AKR7A3: variants seen among roughly 807,000 people sequenced by gnomAD.
AKR7A3 encodes the protein AFB1 aldehyde reductase 2.
AKR7A3 carries 37 observed loss-of-function variants against 32.5 expected under a neutral mutation model. The observed-to-expected ratio is 1.14, with a 90% CI of 0.88 to 1.50. The LOEUF (loss-of-function observed/expected upper bound fraction) is 1.50, where lower values mean the gene tolerates loss of function less well. AKR7A3 is among the 40% of genes most tolerant of loss of function. The pLI is 0.00. For missense variants in AKR7A3, 412 were observed against 453.2 expected (o/e 0.91, Z 0.83); for synonymous variants, 177 against 188.4 (o/e 0.94, Z 0.50).
At chr1:19,287,028 G>C (rs1459797341) in intron 1 of AKR7A3, among the ~76,000 whole-genome samples, 1 of 151,862 alleles carries the variant, frequency 6.6e-6, no homozygotes, top group Non-Finnish European at 1.5e-5. Context: ...AGAGGGTACA[G>C]ATCTGTGGTG....
At position 19,286,380 on chromosome 1, in the gene AKR7A3, G is replaced by C; in HGVS notation, c.215-8C>G. 1 of 1,612,650 alleles carries C rather than the reference G, an allele frequency of 6.2e-7. No homozygotes were observed. The highest frequency in any genetic ancestry group is 8.5e-7 in the Non-Finnish European group (1 of 1,179,140). On this transcript the variant is annotated splice_region_variant and splice_polypyrimidine_tract_variant and intron_variant, in intron 1 of 6. Coordinates refer to ENST00000361640, the MANE Select transcript of AKR7A3 (RefSeq NM_012067.3). ...CCTTGGTATCAATTTTCACTGAGAG[G>C]AAAGAGAAATGAAATTCAGGGCCAG...
At chr1:19,283,048 G>C (rs1473487219) in intron 6 of AKR7A3, among the ~76,000 whole-genome samples, 156 bp from the exon 7 acceptor site, 1 of 146,652 alleles carries the variant, frequency 6.8e-6, no homozygotes, top group Non-Finnish European at 1.5e-5. Flanking sequence ...CCCATGTGAC[G>C]CAAAACCTGT....
Position 19,285,941 on chromosome 1 carries a change from C to G in AKR7A3, c.454G>C (p.Glu152Gln). The change falls in exon 3 of 7, where the codon GAG becomes CAG. Residue 152 changes from glutamate to glutamine, a missense_variant. Physicochemically the swap from Glu to Gln is conservative, Grantham distance 29. Transcript: ENST00000361640. Reference sequence around the variant, plus strand: ...TTGCTCTTGCAGAGGGTACAGATCTCGGCCACTTCCCAGGCTGCATAGTTG... The same window carrying G: ...TTGCTCTTGCAGAGGGTACAGATCTGGGCCACTTCCCAGGCTGCATAGTTG... ...LSNYAAWEVA[E>Q]ICTLCKSNGW... is the part of the protein sequence containing the mutation. The G allele has an allele frequency of 6.2e-7, 1 of 1,613,658 alleles. No individual in the cohort carries two copies. Among genetic ancestry groups the G allele is most frequent in the East Asian group, 2.2e-5 (1 of 44,886 alleles).
Position 19,286,326 on chromosome 1 carries a change from C to T in AKR7A3, c.261G>A (p.Lys87=). 1 of 1,613,914 alleles carries T rather than the reference C, an allele frequency of 6.2e-7. No homozygotes were observed. Among genetic ancestry groups the T allele is most frequent in the Non-Finnish European group, 8.5e-7 (1 of 1,180,034 alleles). ...KAIPLFGNSL[K]PDSLRFQLET... ...CCAGCTGGAACCGGAGACTGTCAGG[C>T]TTCAGGGAGTTCCCAAACAGTGGAA... The change falls in exon 2 of 7, where the codon AAG becomes AAA. Residue 87 remains lysine, a synonymous_variant. Transcript: ENST00000361640.
rs769821963 is a variant in AKR7A3, at chr1:19,283,979, A to G, written c.834+17T>C. The stretch of plus-strand genomic sequence containing the variant: ...CCCTGGAAGGGAAGAAGCTGAGCGC[A>G]CAGGGTCACTGGTTACCTGCAGCTG... On this transcript the variant is annotated intron_variant, in intron 6 of 6. Transcript: ENST00000361640. 1 of 1,612,776 alleles carries G rather than the reference A, an allele frequency of 6.2e-7. No homozygotes were observed. The highest frequency in any genetic ancestry group is 8.5e-7 in the Non-Finnish European group (1 of 1,179,854).
chr1:19,281,189 C>A (rs967346553), downstream of AKR7A3, among the ~76,000 whole-genome samples: 2 of 151,570 alleles, frequency 1.3e-5, no homozygotes, highest in Non-Finnish European at 2.9e-5. Flanking sequence ...TTACAGGCGC[C>A]TACCACCACG....
At chr1:19,285,311 G>C (rs2093727733) in intron 3 of AKR7A3, among the ~76,000 whole-genome samples, 197 bp from the exon 4 acceptor site, 1 of 151,942 alleles carries the variant, frequency 6.6e-6, no homozygotes, top group Admixed American at 6.5e-5. Context: ...ACTTTCATGA[G>C]CACCAACTAT....
At chr1:19,275,759 C>T in the AKR7A3 span, among the ~76,000 whole-genome samples, 114,664 of 151,624 alleles carry the variant, frequency 0.76, 43,817 homozygotes, top group South Asian at 0.81. Context: ...GAGCTGTGAT[C>T]ATACCACTAC....
Position 19,288,641 on chromosome 1 carries a change from C to A in AKR7A3, c.69G>T (p.Met23Ile), listed in dbSNP as rs1332902038. 1.3e-6 allele frequency: 2 copies of A among 1,544,672 alleles called. No individual in the cohort carries two copies. The change falls in exon 1 of 7, where the codon ATG becomes ATT. Residue 23 changes from methionine to isoleucine, a missense_variant. Physicochemically the swap from Met to Ile is conservative, Grantham distance 10. Coordinates refer to ENST00000361640, the MANE Select transcript of AKR7A3 (RefSeq NM_012067.3). ...VLGAMEMGRR[M>I]DAPTSAAVTR... ...TGACTGCGGCGCTGGTGGGCGCGTCCATGCGGCGCCCCATCTCCATGGCGC... is the reference window on the plus strand; with the variant it reads ...TGACTGCGGCGCTGGTGGGCGCGTCAATGCGGCGCCCCATCTCCATGGCGC...
downstream of AKR7A3, among the ~76,000 whole-genome samples, chr1:19,278,307 C>A (rs2093713953): frequency 6.6e-6 from 1 of 151,594 alleles, no homozygotes; most frequent in Non-Finnish European, 1.5e-5. Context: ...ACCTGTAATC[C>A]CAGCACTTTG....
intron 1 of AKR7A3, 58 bp from the exon 2 acceptor site, chr1:19,286,430 C>G: frequency 5.8e-6 from 9 of 1,559,396 alleles, no homozygotes; most frequent in Non-Finnish European, 7.9e-6. Context: ...GCCTGTAATC[C>G]CAGCACTTTG....
At position 19,288,578 on chromosome 1, in the gene AKR7A3, G is replaced by T; in HGVS notation, c.132C>A (p.Asp44Glu). The change falls in exon 1 of 7, where the codon GAC (aspartate) becomes GAA (glutamate). Residue 44 changes from aspartate to glutamate, a missense_variant. By Grantham distance (45) the Asp-to-Glu change is conservative. Coordinates refer to ENST00000361640, the MANE Select transcript of AKR7A3 (RefSeq NM_012067.3). ...GGCCCTCGCTGTACACGAAGGCCGT[G>T]TCTATCTCGGTGTGGCCGCGCTCCA... ...AFLERGHTEI[D>E]TAFVYSEGQS... 6.2e-7 allele frequency: 1 copy of T among 1,608,102 alleles called. No individual in the cohort carries two copies. Among genetic ancestry groups the T allele is most frequent in the Non-Finnish European group, 8.5e-7 (1 of 1,178,200 alleles).
chr1:19,274,393 G>A, the AKR7A3 span, among the ~76,000 whole-genome samples: 5 of 151,864 alleles, frequency 3.3e-5, no homozygotes, highest in Admixed American at 1.3e-4. Flanking sequence ...AGATCCCAAA[G>A]GTCTGGGACT....
chr1:19,288,473 G>T (rs532020975), intron 1 of AKR7A3, 23 bp downstream of exon 1: 2 of 1,608,762 alleles, frequency 1.2e-6, no homozygotes, highest in East Asian at 4.5e-5. Flanking sequence ...CCGTGCAGGG[G>T]GAGGATCAGG....
downstream of AKR7A3, among the ~76,000 whole-genome samples, chr1:19,279,134 T>G (rs1184403479): frequency 2.0e-5 from 3 of 151,846 alleles, no homozygotes; most frequent in African/African-American, 7.3e-5. Flanking sequence ...AATTTTCTTT[T>G]TATGTTTACT....
At chr1:19,283,508 C>T (rs1051842844) in intron 6 of AKR7A3, among the ~76,000 whole-genome samples, 1 of 151,994 alleles carries the variant, frequency 6.6e-6, no homozygotes, top group African/African-American at 2.4e-5. Context: ...GCTCTCATTA[C>T]AAAGCCTGGC....
downstream of AKR7A3, among the ~76,000 whole-genome samples, chr1:19,279,520 G>A (rs2093715797): frequency 6.6e-6 from 1 of 151,832 alleles, no homozygotes; most frequent in Non-Finnish European, 1.5e-5. Flanking sequence ...TTTCCAAAGT[G>A]GTTGTACCAT....
Position 19,288,520 on chromosome 1 carries a change from G to T in AKR7A3, c.190C>A (p.Arg64=). 1 of 1,611,040 alleles carries T rather than the reference G, an allele frequency of 6.2e-7. No individual in the cohort carries two copies. Among genetic ancestry groups the T allele is most frequent in the Non-Finnish European group, 8.5e-7 (1 of 1,179,466 alleles). ...CCTCTGCAGTCGCTGCCGCCCAGCC[G>T]GAGCCCCAGGCCGCCAAGGATGGTC... ...SETILGGLGL[R]LGGSDCRVKI... The change falls in exon 1 of 7, where the codon CGG becomes AGG. Residue 64 remains arginine, a synonymous_variant. Transcript: ENST00000361640.
At chr1:19,275,656 T>G in the AKR7A3 span, among the ~76,000 whole-genome samples, 4 of 151,584 alleles carry the variant, frequency 2.6e-5, no homozygotes, top group Non-Finnish European at 5.9e-5. Context: ...TTTAAAAAGA[T>G]TATCAAAATG....
Sources: gnomAD v4.1 joint callset for allele counts (sites outside exome capture counted in the v4.1 genomes callset) on GRCh38, gnomAD v4.1.1 for gene constraint, MANE v1.5 for transcripts, NCBI Gene and HGNC (gene_info 2026-07-23, HGNC 2026-07-21) for gene names.